SYN3: variants seen among roughly 807,000 people sequenced by gnomAD.
The protein encoded by SYN3 is synapsin III.
Under a neutral mutation model 65.8 loss-of-function variants are expected in SYN3, and 35 were observed. That is an observed-to-expected ratio of 0.53 (90% CI 0.41 to 0.70). The LOEUF (loss-of-function observed/expected upper bound fraction) is 0.70, where lower values mean the gene tolerates loss of function less well. Among genes scored for constraint, SYN3 ranks in the 30% least tolerant of loss-of-function variants. The pLI is 0.00. For missense variants in SYN3, 680 were observed against 749.0 expected (o/e 0.91, Z 1.08); for synonymous variants, 270 against 292.9 (o/e 0.92, Z 0.80).
chr22:32,853,243 C>T (rs1418503557), intron 6 of SYN3, among the ~76,000 whole-genome samples: 1 of 152,208 alleles, frequency 6.6e-6, no homozygotes, highest in Non-Finnish European at 1.5e-5. Context: ...CAGAGACTGG[C>T]TCCATTTCTA....
At chr22:32,542,941 A>G (rs2058281641) in intron 7 of SYN3, among the ~76,000 whole-genome samples, 1 of 151,998 alleles carries the variant, frequency 6.6e-6, no homozygotes. Context: ...GCGGCTCCCC[A>G]CTTCCCTGTC....
chr22:32,880,113 T>TCACA (rs1352540836), intron 4 of SYN3, among the ~76,000 whole-genome samples: 1 of 138,324 alleles, frequency 7.2e-6, no homozygotes, highest in Non-Finnish European at 1.6e-5. Context: ...AGCTCCCCTG[T>TCACA]TACATTCTGT....
At chr22:32,650,215 T>TC (rs2060042122) in intron 6 of SYN3, among the ~76,000 whole-genome samples, 2 of 122,868 alleles carry the variant, frequency 1.6e-5, no homozygotes, top group Non-Finnish European at 3.1e-5. Flanking sequence ...ACACTTTTCT[T>TC]TCTCTCTCTC....
In SYN3 at chr22:32,817,649, T is replaced by C. The variant is rs58627239; in HGVS notation, c.711+47266A>G. On this transcript the variant is annotated intron_variant, in intron 6 of 13. Coordinates refer to ENST00000358763, the MANE Select transcript of SYN3 (RefSeq NM_003490.4). ...TTCAAGGTCACACATTTGCCAGATT[T>C]AAAGTTCCTTCCTGTGGTCATGACT... Among the ~76,000 whole-genome samples the C allele has an allele frequency of 7.0e-3, 1,066 of 152,330 alleles. 14 individuals carry two copies. The highest frequency in any genetic ancestry group is 0.025 in the African/African-American group (1,036 of 41,572).
At chr22:33,007,363 G>A (rs1418710859) in intron 1 of SYN3, among the ~76,000 whole-genome samples, 2 of 152,168 alleles carry the variant, frequency 1.3e-5, no homozygotes, top group African/African-American at 4.8e-5. Flanking sequence ...GGTAACGCAA[G>A]TACATGCCTT....
chr22:32,596,796 G>T, intron 6 of SYN3, 60 bp from the exon 7 acceptor site: 1 of 1,512,920 alleles, frequency 6.6e-7, no homozygotes, highest in Non-Finnish European at 9.2e-7. Flanking sequence ...CAAGGCTCTG[G>T]GTGCTGCTTG....
intron 6 of SYN3, among the ~76,000 whole-genome samples, chr22:32,624,176 G>A (rs1309634084): frequency 6.6e-6 from 1 of 152,218 alleles, no homozygotes; most frequent in African/African-American, 2.4e-5. Flanking sequence ...TCCCTGGCTT[G>A]GGGATTTGGT....
chr22:32,538,634 G>C (rs1165251008), intron 8 of SYN3, among the ~76,000 whole-genome samples: 1 of 152,068 alleles, frequency 6.6e-6, no homozygotes, highest in Non-Finnish European at 1.5e-5. Flanking sequence ...ACTGCCCATG[G>C]CTCTTTCCCA....
intron 3 of SYN3, among the ~76,000 whole-genome samples, chr22:32,964,006 T>C (rs2051743477): frequency 6.6e-6 from 1 of 151,828 alleles, no homozygotes; most frequent in Non-Finnish European, 1.5e-5. Context: ...TCCCGTCTCC[T>C]CCCTGTCTGG....
At chr22:32,961,319 A>C (rs898123464) in intron 3 of SYN3, among the ~76,000 whole-genome samples, 10 of 148,710 alleles carry the variant, frequency 6.7e-5, no homozygotes, top group Admixed American at 3.4e-4. Context: ...TCTTTCTAGC[A>C]TCTCTCTCTC....
chr22:32,869,812 T>C (rs754231297), intron 4 of SYN3, among the ~76,000 whole-genome samples: 4 of 149,820 alleles, frequency 2.7e-5, no homozygotes, highest in African/African-American at 7.4e-5. Flanking sequence ...TCCTGATGAG[T>C]GCTCACAAAC....
intron 1 of SYN3, among the ~76,000 whole-genome samples, chr22:33,017,649 C>A (rs185560919): frequency 2.3e-4 from 35 of 151,916 alleles, no homozygotes; most frequent in Non-Finnish European, 4.6e-4. Context: ...AAATTGATTT[C>A]TTAAGTTCCT....
chr22:32,933,601 G>A (rs539167348), intron 3 of SYN3, among the ~76,000 whole-genome samples: 3 of 151,998 alleles, frequency 2.0e-5, no homozygotes, highest in African/African-American at 7.3e-5. Flanking sequence ...GCTAATTTTT[G>A]TTTGTTTGTT....
chr22:32,673,361 C>T (rs2060397966), intron 6 of SYN3, among the ~76,000 whole-genome samples: 4 of 152,180 alleles, frequency 2.6e-5, no homozygotes, highest in Non-Finnish European at 5.9e-5. Context: ...AAGGGTTGCC[C>T]CCAACACAGC....
intron 6 of SYN3, among the ~76,000 whole-genome samples, chr22:32,789,820 G>A (rs999912323): frequency 2.0e-5 from 3 of 152,212 alleles, no homozygotes; most frequent in African/African-American, 7.2e-5. Flanking sequence ...GACAATCCCA[G>A]TACAGGGTGA....
rs796253087 is a variant in SYN3, at chr22:32,659,274, G to T, written c.712-62538C>A. 6.9e-3 allele frequency among the ~76,000 whole-genome samples: 1,058 copies of T among 152,290 alleles called. 24 individuals carry two copies. The highest frequency in any genetic ancestry group is 0.024 in the African/African-American group (1,013 of 41,568). On this transcript the variant is annotated intron_variant, in intron 6 of 13. Coordinates refer to ENST00000358763, the MANE Select transcript of SYN3 (RefSeq NM_003490.4). ...GGTCTAAGCAGAAGAGTGTTAGAAA[G>T]GTCCATGTGGCACAGGAAAGAGGGA...
intron 2 of SYN3, among the ~76,000 whole-genome samples, chr22:32,993,033 G>T (rs568250313): frequency 1.3e-5 from 2 of 152,100 alleles, no homozygotes; most frequent in Non-Finnish European, 2.9e-5. Flanking sequence ...GCAAGGAGTA[G>T]AACAAGCCGG....
chr22:32,526,485 CTTCT>C (rs1446467474), intron 12 of SYN3, among the ~76,000 whole-genome samples: 1 of 151,692 alleles, frequency 6.6e-6, no homozygotes, highest in Non-Finnish European at 1.5e-5. Context: ...ATAGTAATGC[CTTCT>C]TTCTGATATA....
At chr22:32,979,793 A>G (rs548356148) in intron 3 of SYN3, among the ~76,000 whole-genome samples, 1 of 152,256 alleles carries the variant, frequency 6.6e-6, no homozygotes, top group South Asian at 2.1e-4. Context: ...TTATTGCCCC[A>G]GTTGGACAGA....
Sources: gnomAD v4.1 joint callset for allele counts (sites outside exome capture counted in the v4.1 genomes callset) on GRCh38, gnomAD v4.1.1 for gene constraint, MANE v1.5 for transcripts, NCBI Gene and HGNC (gene_info 2026-07-23, HGNC 2026-07-21) for gene names.